Variants in RPTOR observed in about 807,000 individuals in gnomAD.
RPTOR encodes the protein regulatory associated protein of MTOR complex 1.
RPTOR carries 21 observed loss-of-function variants against 169.9 expected under a neutral mutation model. The observed-to-expected ratio is 0.12, with a 90% CI of 0.09 to 0.18. The LOEUF is 0.18. RPTOR is among the 10% of genes least tolerant of loss of function. RPTOR has a pLI of 1.00. For synonymous variants in RPTOR, 732 were observed against 753.2 expected (o/e 0.97, Z 0.46); for missense variants, 1,133 against 1,855.9 (o/e 0.61, Z 7.16).
chr17:80,712,178 T>C (rs2066199749), intron 4 of RPTOR, among the ~76,000 whole-genome samples: 1 of 152,232 alleles, frequency 6.6e-6, no homozygotes, highest in Non-Finnish European at 1.5e-5. Flanking sequence ...TTTGGTTTGT[T>C]ATGTTTTTTA....
rs148518395 is a variant in RPTOR at position 80,557,923 on chromosome 17, C to T, written c.162+12132C>T. 2.4e-3 allele frequency among the ~76,000 whole-genome samples: 364 copies of T among 152,210 alleles called. 1 individual carries two copies. The highest frequency in any genetic ancestry group is 8.4e-3 in the African/African-American group (350 of 41,528). On this transcript the variant is annotated intron_variant, in intron 1 of 33. Coordinates refer to ENST00000306801, the MANE Select transcript of RPTOR (RefSeq NM_020761.3). The stretch of plus-strand genomic sequence containing the variant: ...CCTGGGCGACAGAGCGAGACTCCGT[C>T]TCAAAAAATAATAATAAATAAATAC...
At position 80,743,934 on chromosome 17, in the gene RPTOR, G is replaced by GC. The variant is rs1567887795; in HGVS notation, c.655-10076_655-10075insC. On this transcript the variant is annotated intron_variant, in intron 5 of 33. Transcript: ENST00000306801. Reference sequence around the variant, plus strand: ...AGCCCTGGTTACTAGCAGAGCCCTGGTTACTAGCACAGCCCTGGCTACTAG... The same window carrying GC: ...AGCCCTGGTTACTAGCAGAGCCCTGGCTTACTAGCACAGCCCTGGCTACTAG... Among the ~76,000 whole-genome samples, 5 of 62,618 alleles carry GC rather than the reference G, an allele frequency of 8.0e-5. 1 individual carries two copies. The highest frequency in any genetic ancestry group is 1.7e-4 in the Non-Finnish European group (5 of 29,214). 41.1% of individuals were successfully genotyped at this position (62,618 alleles called of 152,430 possible). A position where few individuals can be genotyped will look rare whatever the true frequency, so the allele number is the denominator to read the frequency against.
intron 1 of RPTOR, among the ~76,000 whole-genome samples, chr17:80,604,507 C>G (rs912011788): frequency 6.6e-6 from 1 of 152,116 alleles, no homozygotes; most frequent in Non-Finnish European, 1.5e-5. Context: ...GAAAATTGTT[C>G]CAGGAGCAGG....
chr17:80,827,014 G>A (rs1010412305), intron 9 of RPTOR, among the ~76,000 whole-genome samples: 17 of 152,224 alleles, frequency 1.1e-4, no homozygotes, highest in Admixed American at 2.6e-4. Flanking sequence ...CTCGGCCCGC[G>A]GGAAGGAAGA....
intron 9 of RPTOR, among the ~76,000 whole-genome samples, chr17:80,831,691 A>ATCCCTGTGTGTCACTG (rs1567936758): frequency 6.6e-6 from 1 of 151,982 alleles, no homozygotes; most frequent in Non-Finnish European, 1.5e-5. Context: ...GTGTATCACT[A>ATCCCTGTGTGTCACTG]TGTATCCCTG....
chr17:80,815,835 G>C (rs1419227503), intron 7 of RPTOR, among the ~76,000 whole-genome samples: 1 of 151,874 alleles, frequency 6.6e-6, no homozygotes, highest in Non-Finnish European at 1.5e-5. Context: ...TGGCTTCCAC[G>C]TGCCCCGTCA....
intron 21 of RPTOR, among the ~76,000 whole-genome samples, chr17:80,920,638 C>G (rs1211919675): frequency 6.6e-6 from 1 of 152,256 alleles, no homozygotes; most frequent in East Asian, 1.9e-4. Flanking sequence ...GCACAGACCC[C>G]AGGCGGCTCA....
At chr17:80,777,420 G>A (rs2066902030) in intron 6 of RPTOR, among the ~76,000 whole-genome samples, 1 of 152,096 alleles carries the variant, frequency 6.6e-6, no homozygotes, top group African/African-American at 2.4e-5. Context: ...ACTAGAGAAA[G>A]TGTCTCTGGT....
At chr17:80,713,896 A>T (rs184756724) in intron 4 of RPTOR, among the ~76,000 whole-genome samples, 3 of 152,308 alleles carry the variant, frequency 2.0e-5, no homozygotes, top group Admixed American at 2.0e-4. Context: ...TTAGTAATTG[A>T]TAGATTAAAC....
intron 7 of RPTOR, 115 bp from the exon 8 acceptor site, chr17:80,822,086 T>G (rs2067385349): frequency 1.1e-6 from 1 of 896,432 alleles, no homozygotes; most frequent in African/African-American, 1.6e-5. Flanking sequence ...GCTCAGAGCC[T>G]TCCTCCCTCG....
At chr17:80,586,393 A>G (rs2065060853) in intron 1 of RPTOR, among the ~76,000 whole-genome samples, 1 of 152,160 alleles carries the variant, frequency 6.6e-6, no homozygotes, top group Non-Finnish European at 1.5e-5. Flanking sequence ...GGATTGGGGA[A>G]AGTTGCCTCC....
At chr17:80,782,075 T>A (rs940835183) in intron 6 of RPTOR, among the ~76,000 whole-genome samples, 3 of 152,178 alleles carry the variant, frequency 2.0e-5, no homozygotes, top group African/African-American at 4.8e-5. Flanking sequence ...GCAGCACCGT[T>A]CCCCCAGGGT....
intron 7 of RPTOR, among the ~76,000 whole-genome samples, chr17:80,810,722 G>A (rs1470084217): frequency 6.6e-6 from 1 of 152,148 alleles, no homozygotes; most frequent in Non-Finnish European, 1.5e-5. Context: ...AATTTGAGGA[G>A]AATTACCATC....
intron 1 of RPTOR, among the ~76,000 whole-genome samples, chr17:80,572,120 C>T (rs887687882): frequency 6.6e-6 from 1 of 152,132 alleles, no homozygotes; most frequent in Non-Finnish European, 1.5e-5. Flanking sequence ...ATTTTAGAGA[C>T]TGCGTCTCAC....
intron 16 of RPTOR, among the ~76,000 whole-genome samples, chr17:80,884,375 A>G (rs1226158979): frequency 6.6e-6 from 1 of 152,200 alleles, no homozygotes; most frequent in African/African-American, 2.4e-5. Flanking sequence ...GGCACTGCCC[A>G]CAGAGTGGCC....
chr17:80,663,633 G>A (rs1036934596), intron 3 of RPTOR, among the ~76,000 whole-genome samples: 5 of 152,156 alleles, frequency 3.3e-5, no homozygotes, highest in South Asian at 2.1e-4. Flanking sequence ...GAGTGTGCAC[G>A]TGGATCTATT....
chr17:80,855,527 G>C lies in RPTOR; in HGVS notation c.1378G>C (p.Gly460Arg), dbSNP rs2143744969. The C allele has an allele frequency of 6.2e-7, 1 of 1,613,956 alleles. No individual in the cohort carries two copies. The highest frequency in any genetic ancestry group is 8.5e-7 in the Non-Finnish European group (1 of 1,179,834). Residue 460 changes from glycine to arginine, a missense_variant, in exon 12 of 34, where the codon GGT (glycine) becomes CGT (arginine). By Grantham distance (125) the Gly-to-Arg change is moderately radical (BLOSUM62 -2). This residue lies in a region of RPTOR where 289 missense variants were observed against 585.8 expected (regional missense o/e 0.49). Transcript: ENST00000306801. Reference protein sequence around the residue: ...LDLLGRFLDLGPWAVSLALSV... With the variant: ...LDLLGRFLDLRPWAVSLALSV... ...CTTGCTTGGAAGATTTTTGGACCTG[G>C]GTCCCTGGGCAGTGAGCCTGGTGCG... is the stretch of plus-strand genomic sequence containing the variant.
intron 13 of RPTOR, among the ~76,000 whole-genome samples, chr17:80,879,233 C>T (rs553052831): frequency 2.0e-5 from 3 of 151,872 alleles, no homozygotes; most frequent in African/African-American, 7.2e-5. Context: ...TCATCTCCGT[C>T]CTCTGTCCTT....
At chr17:80,851,394 T>C (rs2067791956) in intron 11 of RPTOR, among the ~76,000 whole-genome samples, 1 of 152,242 alleles carries the variant, frequency 6.6e-6, no homozygotes, top group African/African-American at 2.4e-5. Context: ...TTGGCTTTTT[T>C]TCTAAAAGCC....
Sources: gnomAD v4.1 joint callset for allele counts (sites outside exome capture counted in the v4.1 genomes callset) on GRCh38, gnomAD v4.1.1 for gene constraint, gnomAD v4.1.1 regional missense constraint, MANE v1.5 for transcripts, NCBI Gene and HGNC (gene_info 2026-07-23, HGNC 2026-07-21) for gene names.